Variants in PLXND1 observed in about 807,000 individuals in gnomAD.
The protein encoded by PLXND1 is plexin D1.
Under a neutral mutation model 197.7 loss-of-function variants are expected in PLXND1, and 54 were observed. The ratio of observed to expected loss-of-function variants is 0.27; its 90% CI spans 0.22 to 0.34. PLXND1 has a LOEUF of 0.34. Among genes scored for constraint, PLXND1 ranks in the 10% least tolerant of loss-of-function variants. The probability of loss-of-function intolerance (pLI) is 1.00; values close to 1 mark genes in which losing one functional copy is unlikely to be tolerated. For missense variants in PLXND1, 2,127 were observed against 2,699.2 expected, an observed-to-expected ratio of 0.79 and a Z score of 4.70; for synonymous variants, 1,180 against 1,161.2, an observed-to-expected ratio of 1.02 and a Z score of -0.33.
Position 129,586,591 on chromosome 3 carries a change from G to A in PLXND1, c.1617C>T (p.His539=). ...TGGGCTGGGGCTCTGGCCTCACCTG[G>A]TGGGACGTCATCAGGTAAAGGTAAC... ...DSGYLYLMTS[H]QMARVKVAAC... The change falls in exon 3 of 36, where the codon CAC becomes CAT. Residue 539 remains histidine, a synonymous_variant. Transcript: ENST00000324093. The A allele has an allele frequency of 1.9e-6, 3 of 1,567,370 alleles. No homozygotes were observed. The highest frequency in any genetic ancestry group is 2.6e-6 in the Non-Finnish European group (3 of 1,155,376).
intron 9 of PLXND1, among the ~76,000 whole-genome samples, chr3:129,576,557 C>T (rs994824007): frequency 3.3e-5 from 5 of 152,344 alleles, no homozygotes; most frequent in East Asian, 1.9e-4. Context: ...CCTGTCCCCT[C>T]GCCAACCGGG....
intron 26 of PLXND1, 57 bp downstream of exon 26, chr3:129,563,037 C>T (rs928270120): frequency 1.4e-5 from 23 of 1,611,658 alleles, no homozygotes; most frequent in Non-Finnish European, 2.0e-5. Context: ...AAGGCTGGGT[C>T]AATGCCGTTG....
chr3:129,565,042 G>A (rs768929474), intron 25 of PLXND1, among the ~76,000 whole-genome samples: 1 of 152,246 alleles, frequency 6.6e-6, no homozygotes, highest in African/African-American at 2.4e-5. Context: ...CCTGAATCCA[G>A]AGCAGGGAAG....
At chr3:129,574,288 C>T (rs764798588) in intron 12 of PLXND1, 48 bp downstream of exon 12, 85 of 1,519,854 alleles carry the variant, frequency 5.6e-5, no homozygotes, top group East Asian at 3.2e-4. Flanking sequence ...ACTGCGCATG[C>T]GCCGTGCCGG....
At chr3:129,602,630 T>C (rs1251021579) in intron 1 of PLXND1, among the ~76,000 whole-genome samples, 1 of 152,158 alleles carries the variant, frequency 6.6e-6, no homozygotes, top group Non-Finnish European at 1.5e-5. Context: ...TAAATGTCTA[T>C]GGAGGTGTCA....
chr3:129,557,266 A>G lies in PLXND1; in HGVS notation c.5446-43T>C. Reference sequence around the variant, plus strand: ...AGGGTGTTAGATGGCTGCTGGAGAAAGGACGGATCTGGTCGTTTTCTGGAT... The same window carrying G: ...AGGGTGTTAGATGGCTGCTGGAGAAGGGACGGATCTGGTCGTTTTCTGGAT... On this transcript the variant is annotated intron_variant, in intron 33 of 35. Transcript: ENST00000324093. This position sits in a 1 kb window ranked among gnomAD's most constrained non-coding sequence, Gnocchi z 4.8. 1.2e-6 allele frequency: 2 copies of G among 1,611,510 alleles called. No homozygotes were observed. The highest frequency in any genetic ancestry group is 1.7e-6 in the Non-Finnish European group (2 of 1,178,332).
intron 1 of PLXND1, among the ~76,000 whole-genome samples, chr3:129,603,928 T>C (rs1416835048): frequency 6.6e-6 from 1 of 152,104 alleles, no homozygotes; most frequent in Non-Finnish European, 1.5e-5. Flanking sequence ...CAGACTCAGA[T>C]GGGTGGAGGG....
Position 129,566,195 on chromosome 3 carries a change from T to C in PLXND1, c.4192-178A>G, listed in dbSNP as rs980200797. The C allele has an allele frequency of 5.5e-5, 36 of 658,044 alleles. No homozygotes were observed. In the African/African-American group the frequency reaches 6.6e-4, roughly 12 times the overall value. 40.8% of individuals were successfully genotyped at this position (658,044 alleles called of 1,614,324 possible). On this transcript the variant is annotated intron_variant, in intron 23 of 35. Transcript: ENST00000324093. ...ACAATAGCTTGGTTGAATTGAAAAG[T>C]GGGGCTCAGAGAAGGGTAAGGGTGC... is the stretch of plus-strand genomic sequence containing the variant.
At chr3:129,561,423 CCT>C (rs1380283555) in intron 29 of PLXND1, among the ~76,000 whole-genome samples, 1 of 152,220 alleles carries the variant, frequency 6.6e-6, no homozygotes, top group Non-Finnish European at 1.5e-5. Flanking sequence ...CCTCCCGGGG[CCT>C]CTCTCCAGCT....
chr3:129,595,513 G>A (rs2085607279), intron 1 of PLXND1, among the ~76,000 whole-genome samples: 1 of 152,232 alleles, frequency 6.6e-6, no homozygotes, highest in Admixed American at 6.5e-5. Context: ...AGGAAGCCTG[G>A]CCTTAGCCAC....
At chr3:129,565,289 G>A in intron 25 of PLXND1, 51 bp downstream of exon 25, 1 of 1,521,924 alleles carries the variant, frequency 6.6e-7, no homozygotes, top group South Asian at 1.1e-5. Flanking sequence ...CTGCCGCTGA[G>A]TCCCTGCCAC....
intron 24 of PLXND1, 91 bp from the exon 25 acceptor site, chr3:129,565,629 C>T (rs2085128452): frequency 2.5e-6 from 3 of 1,188,408 alleles, no homozygotes; most frequent in Admixed American, 2.0e-5. Context: ...CCGGGCCCAT[C>T]GATCCCAGGA....
chr3:129,606,335 G>C lies in PLXND1; in HGVS notation c.305C>G (p.Pro102Arg). The change falls in exon 1 of 36, where the codon CCG becomes CGG. Residue 102 changes from proline to arginine, a missense_variant. This residue lies in a region of PLXND1 where 245 missense variants were observed against 267.1 expected (regional missense o/e 0.92). Transcript: ENST00000324093. ...CGGCAGCTGCGGAGCGTGACACAGC[G>C]GGCTGTCGGGCACCGGGCCCACGGC... The part of the protein sequence containing the change: ...EAAVGPVPDS[P>R]LCHAPQLPQA... 3.4e-6 allele frequency: 5 copies of C among 1,486,142 alleles called. No individual in the cohort carries two copies. Among genetic ancestry groups the C allele is most frequent in the Non-Finnish European group, 3.6e-6 (4 of 1,124,936 alleles). 92.1% of individuals were successfully genotyped at this position (1,486,142 alleles called of 1,614,324 possible).
Position 129,572,768 on chromosome 3 carries a change from G to A in PLXND1, c.2938-20C>T, listed in dbSNP as rs200361615. On this transcript the variant is annotated intron_variant, in intron 14 of 35. Transcript: ENST00000324093. ...GGGCAGCTGTGGGAGGAAGGCAGGC[G>A]TTTGGGCCTCGGGCCAGCCCCCGGG... 86 of 1,601,966 alleles carry A rather than the reference G, an allele frequency of 5.4e-5. No homozygotes were observed. The African/African-American group carries it at 6.4e-4, about 12-fold the overall frequency.
chr3:129,586,526 C>T (rs2085463495), intron 3 of PLXND1, 62 bp downstream of exon 3: 12 of 1,544,920 alleles, frequency 7.8e-6, no homozygotes, highest in Non-Finnish European at 9.6e-6. Flanking sequence ...TGTGTAAAGG[C>T]CAGGCAAGCA....
chr3:129,558,091 CA>C lies in PLXND1; in HGVS notation c.5445+336del, dbSNP rs1233596874. Among the ~76,000 whole-genome samples, 1 of 152,232 alleles carries C rather than the reference CA, an allele frequency of 6.6e-6. No individual in the cohort carries two copies. The highest frequency in any genetic ancestry group is 6.5e-5 in the Admixed American group (1 of 15,280). ...ACTGCCCAGAGCCTGGCCCGGTTTT[CA>C]GATGATGTTGTGCCTGACCAAGCAG... On this transcript the variant is annotated intron_variant, in intron 33 of 35. Coordinates refer to ENST00000324093, the MANE Select transcript of PLXND1 (RefSeq NM_015103.3). The surrounding 1 kb of genome is among the most constrained non-coding windows in gnomAD (Gnocchi z 4.1).
intron 22 of PLXND1, 73 bp downstream of exon 22, chr3:129,567,419 G>C (rs1287847939): frequency 1.2e-6 from 1 of 861,438 alleles, no homozygotes; most frequent in East Asian, 2.6e-5. Context: ...CTATAGGCTG[G>C]CAGGGCTCAG....
Position 129,557,322 on chromosome 3 carries a change from C to T in PLXND1, c.5446-99G>A. 7 of 1,361,636 alleles carry T rather than the reference C, an allele frequency of 5.1e-6. No homozygotes were observed. The highest frequency in any genetic ancestry group is 7.2e-6 in the Non-Finnish European group (7 of 973,958). The allele number at this position is 1,361,636 out of a possible 1,614,324, so 84.3% of individuals were successfully genotyped here. On this transcript the variant is annotated intron_variant, in intron 33 of 35. Transcript: ENST00000324093. This position sits in a 1 kb window ranked among gnomAD's most constrained non-coding sequence, Gnocchi z 4.8. ...CTCATCCCTCCTGCCACATAAGTGA[C>T]CTTAGCAGGCCCCCGAGGCCCAAAG... is the stretch of plus-strand genomic sequence containing the variant.
intron 25 of PLXND1, among the ~76,000 whole-genome samples, chr3:129,564,779 C>T (rs892032819): frequency 6.6e-6 from 1 of 152,258 alleles, no homozygotes; most frequent in Non-Finnish European, 1.5e-5. Flanking sequence ...ACATCCCCTC[C>T]TCCCGGCCTC....
Sources: allele counts gnomAD v4.1 joint callset (sites outside exome capture counted in the v4.1 genomes callset), GRCh38; gene constraint gnomAD v4.1.1; regional missense constraint gnomAD v4.1.1; non-coding constraint Gnocchi (gnomAD v3.1); transcripts MANE v1.5; gene names NCBI Gene and HGNC (gene_info 2026-07-23, HGNC 2026-07-21).